PFKP: variants seen among roughly 807,000 people sequenced by gnomAD.
PFKP encodes the protein ATP-dependent 6-phosphofructokinase, platelet type.
In PFKP, 101 loss-of-function variants were observed where a neutral mutation model predicts 94.3. The observed-to-expected ratio is 1.07, with a 90% CI of 0.91 to 1.26. The LOEUF (loss-of-function observed/expected upper bound fraction) is 1.26, where lower values mean the gene tolerates loss of function less well. Among genes scored for constraint, PFKP ranks in the 50% most tolerant of loss-of-function variants. The pLI is 0.00. For synonymous variants in PFKP, 573 were observed against 432.6 expected (o/e 1.32, Z -4.03); for missense variants, 1,145 against 1,103.3 (o/e 1.04, Z -0.53).
intron 2 of PFKP, among the ~76,000 whole-genome samples, chr10:3,095,695 C>T (rs1834425848): frequency 1.3e-5 from 2 of 152,218 alleles, no homozygotes; most frequent in African/African-American, 4.8e-5. Context: ...ATTCAGCCTT[C>T]TAAGAAGACT....
chr10:3,100,641 A>C (rs942697938), intron 3 of PFKP, among the ~76,000 whole-genome samples: 1 of 152,120 alleles, frequency 6.6e-6, no homozygotes, highest in African/African-American at 2.4e-5. Context: ...ACCTTGCTTG[A>C]CAAAGTCAGC....
At position 3,128,128 on chromosome 10, in the gene PFKP, T is replaced by C. The variant is rs79009842; in HGVS notation, c.1684-1691T>C. On this transcript the variant is annotated intron_variant, in intron 16 of 21. Coordinates refer to ENST00000381125, the MANE Select transcript of PFKP (RefSeq NM_002627.5). The stretch of plus-strand genomic sequence containing the variant: ...ACGGACGGCTGGCTGGGGAATACCA[T>C]GCTTATGTCATTCAGAGACAAGCAT... Among the ~76,000 whole-genome samples the C allele has an allele frequency of 5.5e-3, 842 of 152,272 alleles. 5 individuals are homozygous for C. The highest frequency in any genetic ancestry group is 0.037 in the Middle Eastern group (11 of 294).
In PFKP at chr10:3,101,450, G is replaced by A. The variant is rs780240567; in HGVS notation, c.350G>A (p.Arg117His). The A allele has an allele frequency of 2.4e-5, 38 of 1,609,920 alleles. No individual in the cohort carries two copies. The highest frequency in any genetic ancestry group is 1.8e-4 in the Middle Eastern group (1 of 5,536). ...RLKAACNLLQ[R>H]GITNLCVIGG... ...AAGGCTGCTTGCAACCTGCTGCAGC[G>A]CGGCATCACCAACCTGTGTGTGATC... Residue 117 changes from arginine to histidine, a missense_variant, in exon 4 of 22, where the codon CGC becomes CAC. Coordinates refer to ENST00000381125, the MANE Select transcript of PFKP (RefSeq NM_002627.5).
chr10:3,076,012 C>T (rs1832553243), intron 1 of PFKP, among the ~76,000 whole-genome samples: 1 of 92,438 alleles, frequency 1.1e-5, no homozygotes, highest in South Asian at 4.2e-4. Flanking sequence ...AGCGAGACTC[C>T]GTCTCAAAAA....
In PFKP at chr10:3,101,525, G is replaced by A. The variant is rs770551877; in HGVS notation, c.425G>A (p.Ser142Asn). The part of the protein sequence containing the change: ...TGANLFRKEW[S>N]GLLEELARNG... The stretch of plus-strand genomic sequence containing the variant: ...GCCAACCTCTTCCGGAAGGAGTGGA[G>A]TGGGCTGCTGGAGGAGCTGGCCAGG... The change falls in exon 4 of 22, where the codon AGT (serine) becomes AAT (asparagine). Residue 142 changes from serine (S) to asparagine (N), a missense_variant. Around this residue, in one of 3 missense-constraint regions of PFKP, gnomAD observed 1,119 missense variants for 1,062.8 expected, o/e 1.05. Transcript: ENST00000381125. The A allele has an allele frequency of 3.8e-6, 6 of 1,567,326 alleles. No individual in the cohort carries two copies. In the African/African-American group the frequency reaches 5.4e-5, roughly 14 times the overall value.
At position 3,079,670 on chromosome 10, in the gene PFKP, G is replaced by C. The variant is rs969293797; in HGVS notation, c.113-2718G>C. On this transcript the variant is annotated intron_variant, in intron 1 of 21. Coordinates refer to ENST00000381125, the MANE Select transcript of PFKP (RefSeq NM_002627.5). ...GTCTTCAGAGAGCGGGGTGGGGGGG[G>C]GGGGAAGAGGAGCAGGGGTGAGGGG... Among the ~76,000 whole-genome samples the C allele has an allele frequency of 1.2e-4, 15 of 121,768 alleles. 3 individuals are homozygous for C. In the East Asian group the frequency reaches 1.4e-3, roughly 11 times the overall value. The allele number at this position is 121,768 out of a possible 152,430, so 79.9% of individuals were successfully genotyped here. A position where few individuals can be genotyped will look rare whatever the true frequency, so the allele number is the denominator to read the frequency against.
intron 1 of PFKP, among the ~76,000 whole-genome samples, chr10:3,074,863 G>C (rs567172036): frequency 4.6e-5 from 7 of 152,148 alleles, no homozygotes; most frequent in Non-Finnish European, 1.0e-4. Context: ...AGCGGCGCTA[G>C]AGGAATTAAA....
At chr10:3,074,774 C>T (rs1267682590) in intron 1 of PFKP, among the ~76,000 whole-genome samples, 1 of 152,196 alleles carries the variant, frequency 6.6e-6, no homozygotes, top group Admixed American at 6.5e-5. Flanking sequence ...CAGCAAAAAA[C>T]TATCAATAGG....
chr10:3,119,643 TGAGACTCTTACCCATGAGAGG>T, intron 15 of PFKP, among the ~76,000 whole-genome samples: 1 of 152,258 alleles, frequency 6.6e-6, no homozygotes, highest in Middle Eastern at 3.4e-3. Flanking sequence ...ACCTCAGAAA[TGAGACTCTTACCCATGAGAGG>T]TTTAGTCATC....
At position 3,103,822 on chromosome 10, in the gene PFKP, C is replaced by A; in HGVS notation, c.498C>A (p.Asn166Lys). Residue 166 changes from asparagine to lysine, a missense_variant, in exon 5 of 22, where the codon AAC (asparagine) becomes AAA (lysine). Transcript: ENST00000381125. ...KEAVQKYAYL[N>K]VVGMVGSIDN... Reference sequence around the variant, plus strand: ...CCGTGCAGAAGTACGCCTACCTCAACGTGGTGGGCATGGTGGGCTCCATCG... The same window carrying A: ...CCGTGCAGAAGTACGCCTACCTCAAAGTGGTGGGCATGGTGGGCTCCATCG... 5 of 1,613,960 alleles carry A rather than the reference C, an allele frequency of 3.1e-6. No homozygotes were observed. The highest frequency in any genetic ancestry group is 4.2e-6 in the Non-Finnish European group (5 of 1,179,928).
intron 1 of PFKP, among the ~76,000 whole-genome samples, chr10:3,073,179 G>A (rs1002416380): frequency 6.6e-6 from 1 of 151,884 alleles, no homozygotes; most frequent in Non-Finnish European, 1.5e-5. Context: ...CCCTGGTCCT[G>A]CTGTCTGGGT....
At chr10:3,068,279 G>A (rs892360976) in intron 1 of PFKP, among the ~76,000 whole-genome samples, 1 of 152,134 alleles carries the variant, frequency 6.6e-6, no homozygotes, top group African/African-American at 2.4e-5. Context: ...GGCGTGGGCG[G>A]GGTCCTGGCT....
At chr10:3,068,696 C>T in intron 1 of PFKP, 1 of 985,086 alleles carries the variant, frequency 1.0e-6, no homozygotes, top group Non-Finnish European at 1.2e-6. Context: ...CGTGGGGGCG[C>T]CGGTGCCCGG....
At chr10:3,134,679 CCTT>C (rs1839021811) in intron 20 of PFKP, 97 bp downstream of exon 20, 17 of 781,954 alleles carry the variant, frequency 2.2e-5, no homozygotes, top group Non-Finnish European at 3.4e-5. Flanking sequence ...GGTGCTGGTT[CCTT>C]CTTCAGTTCA....
chr10:3,100,059 GTGTGTGTGTGTGT>G (rs1564296363), intron 3 of PFKP, among the ~76,000 whole-genome samples: 16 of 134,288 alleles, frequency 1.2e-4, no homozygotes, highest in African/African-American at 4.8e-4. Flanking sequence ...GGTGTGTGGT[GTGTGTGTGTGTGT>G]GTGTGTGTGT....
chr10:3,096,095 C>T (rs1309348745), intron 2 of PFKP, among the ~76,000 whole-genome samples: 1 of 152,198 alleles, frequency 6.6e-6, no homozygotes, highest in African/African-American at 2.4e-5. Context: ...GATTCGTTAA[C>T]ATGTTTGATT....
At chr10:3,117,423 C>T (rs532118217) in intron 14 of PFKP, among the ~76,000 whole-genome samples, 45 of 152,250 alleles carry the variant, frequency 3.0e-4, no homozygotes, top group East Asian at 1.9e-3. Flanking sequence ...GTCAGAGGTG[C>T]GAATATTAAT....
At chr10:3,135,562 T>G (rs866929880) in intron 20 of PFKP, among the ~76,000 whole-genome samples, 174 bp from the exon 21 acceptor site, 1 of 152,254 alleles carries the variant, frequency 6.6e-6, no homozygotes, top group East Asian at 1.9e-4. Context: ...GGAGCAGAGC[T>G]GCACGAGGCC....
intron 20 of PFKP, 31 bp downstream of exon 20, chr10:3,134,613 T>G (rs1345209917): frequency 1.4e-6 from 2 of 1,401,474 alleles, no homozygotes; most frequent in South Asian, 2.3e-5. Context: ...GGCCACAGCC[T>G]CGTGATGCAG....
Sources: gnomAD v4.1 joint callset for allele counts (sites outside exome capture counted in the v4.1 genomes callset) on GRCh38, gnomAD v4.1.1 for gene constraint, gnomAD v4.1.1 regional missense constraint, MANE v1.5 for transcripts, NCBI Gene and HGNC (gene_info 2026-07-23, HGNC 2026-07-21) for gene names.